The following SMARCA2 variants were observed in gnomAD, a reference collection of about 807,000 sequenced individuals.
The protein encoded by SMARCA2 is SWI/SNF-related matrix-associated actin-dependent regulator of chromatin subfamily A member 2.
Under a neutral mutation model 199.8 loss-of-function variants are expected in SMARCA2, and 61 were observed. The observed-to-expected ratio is 0.31, with a 90% CI of 0.25 to 0.38. SMARCA2 has a LOEUF of 0.38. Ranked by LOEUF, SMARCA2 falls within the 10% of genes least tolerant of loss-of-function variation. SMARCA2 has a pLI of 1.00. For missense variants in SMARCA2, 1,344 were observed against 2,012.2 expected, an observed-to-expected ratio of 0.67 and a Z score of 6.35; for synonymous variants, 935 against 732.0, an observed-to-expected ratio of 1.28 and a Z score of -4.48.
rs1016798707 is a variant in SMARCA2 at position 2,115,341 on chromosome 9, A to ATGTG, written c.3457-472_3457-469dup. Among the ~76,000 whole-genome samples the ATGTG allele has an allele frequency of 6.6e-6, 1 of 151,982 alleles. No individual in the cohort carries two copies. The highest frequency in any genetic ancestry group is 2.4e-5 in the African/African-American group (1 of 41,384). ...CTACCTGAGCAGTCAGTGTGTGTGT[A>ATGTG]TGTGTGTGTGTGGTAAGATGTATGT... On this transcript the variant is annotated intron_variant, in intron 24 of 33. Coordinates refer to ENST00000349721, the MANE Select transcript of SMARCA2 (RefSeq NM_003070.5). The surrounding 1 kb of genome is among the most constrained non-coding windows in gnomAD (Gnocchi z 6.0).
chr9:2,118,496 C>T (rs554189096), intron 25 of SMARCA2, among the ~76,000 whole-genome samples: 22 of 152,258 alleles, frequency 1.4e-4, no homozygotes, highest in African/African-American at 5.1e-4. Context: ...TTTGAATATA[C>T]AGTTTGTGAA....
intron 32 of SMARCA2, among the ~76,000 whole-genome samples, chr9:2,190,315 G>C (rs960741335): frequency 7.0e-6 from 1 of 143,672 alleles, no homozygotes; most frequent in Non-Finnish European, 1.5e-5. Flanking sequence ...CATTGAAATA[G>C]GTTCACAGCA....
In SMARCA2 at chr9:2,161,676, C is replaced by T; in HGVS notation, c.3982-10C>T. ...GTCTTGAATTTGTCTCCTTTGTTTC[C>T]AACGAACAGGCCATCGAAGACGGCA... On this transcript the variant is annotated splice_polypyrimidine_tract_variant and intron_variant, in intron 27 of 33. Coordinates refer to ENST00000349721, the MANE Select transcript of SMARCA2 (RefSeq NM_003070.5). This position sits in a 1 kb window ranked among gnomAD's most constrained non-coding sequence, Gnocchi z 4.7. The T allele has an allele frequency of 1.2e-6, 2 of 1,602,810 alleles. No homozygotes were observed. Among genetic ancestry groups the T allele is most frequent in the South Asian group, 1.1e-5 (1 of 90,362 alleles).
At chr9:2,160,881 A>AT in intron 27 of SMARCA2, 2 of 353,322 alleles carry the variant, frequency 5.7e-6, no homozygotes, top group South Asian at 7.9e-5. Context: ...GAGATTTACC[A>AT]GGAAAAAAAA....
chr9:2,176,182 G>GTTTTTTTTTTTTTTGTTTTTTTTTTTTT (rs1554642562), intron 29 of SMARCA2, among the ~76,000 whole-genome samples: 1 of 104,160 alleles, frequency 9.6e-6, no homozygotes, highest in African/African-American at 3.7e-5. Flanking sequence ...CGCCCGGCCT[G>GTTTTTTTTTTTTTTGTTTTTTTTTTTTT]TTTTTTTTTT....
intron 27 of SMARCA2, chr9:2,158,742 A>C: frequency 2.3e-6 from 1 of 440,698 alleles, no homozygotes; most frequent in Non-Finnish European, 4.0e-6. Context: ...ATAAAAGAAC[A>C]GTTTAAAATC....
chr9:2,159,605 G>C, intron 27 of SMARCA2: 2 of 505,598 alleles, frequency 4.0e-6, no homozygotes, highest in South Asian at 3.5e-5. Flanking sequence ...TAATTCTGCT[G>C]CCTGGAATAA....
chr9:2,043,652 C>G (rs1819709024), intron 4 of SMARCA2: 1 of 152,108 alleles, frequency 6.6e-6, no homozygotes, highest in African/African-American at 2.4e-5. Context: ...ATGCATAGAT[C>G]TTTTATTTGC....
chr9:2,046,312 C>T (rs777374969), intron 4 of SMARCA2, among the ~76,000 whole-genome samples: 6 of 152,094 alleles, frequency 3.9e-5, no homozygotes, highest in East Asian at 3.9e-4. Flanking sequence ...AAGTTCAATG[C>T]GGAAAATTAT....
Position 2,182,290 on chromosome 9 carries a change from G to A in SMARCA2, c.4461+48G>A, listed in dbSNP as rs7034409. 78,508 of 1,125,660 alleles carry A rather than the reference G, an allele frequency of 0.07. 6,217 individuals carry two copies. Among genetic ancestry groups the A allele is most frequent in the African/African-American group, 0.25 (15,840 of 63,628 alleles). 69.7% of individuals were successfully genotyped at this position (1,125,660 alleles called of 1,614,324 possible). A position where few individuals can be genotyped will look rare whatever the true frequency, so the allele number is the denominator to read the frequency against. ...AAAGTTCTTAACTGTAAATGTGCCC[G>A]TTGTTCTTTTTAAGTAGAATATTTC... On this transcript the variant is annotated intron_variant, in intron 31 of 33. Coordinates refer to ENST00000349721, the MANE Select transcript of SMARCA2 (RefSeq NM_003070.5).
At chr9:2,133,885 A>C (rs117112417) in intron 27 of SMARCA2, among the ~76,000 whole-genome samples, 3,746 of 152,174 alleles carry the variant, frequency 0.025, 93 homozygotes, top group Non-Finnish European at 0.032. Flanking sequence ...ACATGCCTTG[A>C]AATCTGATGA....
Position 2,057,985 on chromosome 9 carries a change from T to C in SMARCA2, c.1348-306T>C, listed in dbSNP as rs191677220. Among the ~76,000 whole-genome samples, 9 of 152,372 alleles carry C rather than the reference T, an allele frequency of 5.9e-5. No individual in the cohort carries two copies. In the East Asian group the frequency reaches 1.5e-3, roughly 26 times the overall value. On this transcript the variant is annotated intron_variant, in intron 7 of 33. Transcript: ENST00000349721. Reference sequence around the variant, plus strand: ...GAGTGGTTTGCTTTACATTTTATCATTGCCATTTTGTAGGTCTCTTTCAGT... The same window carrying C: ...GAGTGGTTTGCTTTACATTTTATCACTGCCATTTTGTAGGTCTCTTTCAGT...
intron 27 of SMARCA2, among the ~76,000 whole-genome samples, chr9:2,146,915 A>G (rs1824777810): frequency 6.6e-6 from 1 of 152,108 alleles, no homozygotes; most frequent in African/African-American, 2.4e-5. Context: ...CAAGGTCTTT[A>G]TGACCTGTAT....
chr9:2,178,109 C>G (rs944769013), intron 29 of SMARCA2, among the ~76,000 whole-genome samples: 1 of 152,098 alleles, frequency 6.6e-6, no homozygotes, highest in East Asian at 1.9e-4. Context: ...GTTCAAACTA[C>G]CACTTGCACA....
Position 2,054,605 on chromosome 9 carries a change from C to T in SMARCA2, c.1055C>T (p.Ala352Val). ...TTTATTGTTTCCTTTAGACTTCAGG[C>T]CCGCATAGCTCATAGGATACAAGAA... ...ILQEREYRLQ[A>V]RIAHRIQELE... The change falls in exon 6 of 34, where the codon GCC becomes GTC. Residue 352 changes from alanine to valine, a missense_variant. Ala to Val is a moderately conservative substitution (Grantham distance 64, BLOSUM62 0). Around this residue, in one of 18 missense-constraint regions of SMARCA2, gnomAD observed 155 missense variants for 260.0 expected, o/e 0.60. Coordinates refer to ENST00000349721, the MANE Select transcript of SMARCA2 (RefSeq NM_003070.5). The T allele has an allele frequency of 1.2e-6, 2 of 1,613,770 alleles. No homozygotes were observed. The highest frequency in any genetic ancestry group is 1.7e-6 in the Non-Finnish European group (2 of 1,179,790).
chr9:2,176,727 A>G (rs1563829937), intron 29 of SMARCA2, among the ~76,000 whole-genome samples: 1 of 147,518 alleles, frequency 6.8e-6, no homozygotes, highest in South Asian at 2.1e-4. Flanking sequence ...TAAGTTTTGT[A>G]TTTTTTTTTT....
rs747888418 is a variant in SMARCA2 at position 2,047,422 on chromosome 9, C to A, written c.984C>A (p.Ile328=). The A allele has an allele frequency of 4.4e-6, 7 of 1,587,326 alleles. No individual in the cohort carries two copies. Among genetic ancestry groups the A allele is most frequent in the Non-Finnish European group, 6.0e-6 (7 of 1,168,298 alleles). The change falls in exon 5 of 34, where the codon ATC becomes ATA. Residue 328 remains isoleucine, a synonymous_variant. Coordinates refer to ENST00000349721, the MANE Select transcript of SMARCA2 (RefSeq NM_003070.5). The part of the protein sequence containing the change: ...VLQLQQKQSR[I]SPIQKPQGLD... The stretch of plus-strand genomic sequence containing the variant: ...AGCTGCAGCAGAAGCAGAGCCGCAT[C>A]AGCCCCATCCAGAAACCGCAAGGCC...
intron 7 of SMARCA2, among the ~76,000 whole-genome samples, chr9:2,057,302 G>A (rs1266005011): frequency 6.6e-6 from 1 of 152,110 alleles, no homozygotes; most frequent in Non-Finnish European, 1.5e-5. Flanking sequence ...AAAGCTCTCC[G>A]GGCTTCCTTT....
chr9:2,187,637 G>A (rs976576907), intron 32 of SMARCA2, among the ~76,000 whole-genome samples: 5 of 151,858 alleles, frequency 3.3e-5, no homozygotes, highest in Non-Finnish European at 7.4e-5. Flanking sequence ...TGATCATACC[G>A]CTGCCCTCCA....
Sources: allele counts gnomAD v4.1 joint callset (sites outside exome capture counted in the v4.1 genomes callset), GRCh38; gene constraint gnomAD v4.1.1; regional missense constraint gnomAD v4.1.1; non-coding constraint Gnocchi (gnomAD v3.1); transcripts MANE v1.5; gene names NCBI Gene and HGNC (gene_info 2026-07-23, HGNC 2026-07-21).